Variants in SLC9A9 observed in about 807,000 individuals in gnomAD.
SLC9A9 encodes the protein solute carrier family 9 member A9.
A neutral mutation model predicts 77.8 loss-of-function variants in SLC9A9; 62 were observed. The ratio of observed to expected loss-of-function variants is 0.80; its 90% CI spans 0.65 to 0.98. The LOEUF (loss-of-function observed/expected upper bound fraction) is 0.98. SLC9A9 is among the 50% of genes least tolerant of loss of function. The pLI is 0.00. For synonymous variants in SLC9A9, 320 were observed against 283.5 expected (o/e 1.13, Z -1.29); for missense variants, 775 against 774.9 (o/e 1.00, Z 0.00).
chr3:143,384,318 C>G (rs1328366326), intron 12 of SLC9A9, among the ~76,000 whole-genome samples: 1 of 152,112 alleles, frequency 6.6e-6, no homozygotes, highest in Non-Finnish European at 1.5e-5. Context: ...TGTGGTGGAT[C>G]AGAGCCCTCC....
intron 12 of SLC9A9, 154 bp from the exon 13 acceptor site, chr3:143,382,268 A>G (rs1381806146): frequency 3.8e-6 from 3 of 781,000 alleles, no homozygotes; most frequent in Non-Finnish European, 6.6e-6. Flanking sequence ...AGAACCTCAG[A>G]TTTATACCAA....
intron 8 of SLC9A9, among the ~76,000 whole-genome samples, chr3:143,552,935 A>T (rs1576572885): frequency 6.6e-6 from 1 of 152,186 alleles, no homozygotes; most frequent in Admixed American, 6.5e-5. Context: ...TGAGTGACAA[A>T]CCTAAGACAT....
Position 143,448,915 on chromosome 3 carries a change from ATTATATATTAT to A in SLC9A9, c.1469+18111_1469+18121del, listed in dbSNP as rs2034899694. On this transcript the variant is annotated intron_variant, in intron 12 of 15. Transcript: ENST00000316549. Reference sequence around the variant, plus strand: ...TATTATAATATATAATATGATATATATTATATATTATAATATATAATATGATATATAATATA... The same window carrying A: ...TATTATAATATATAATATGATATATAAATATATAATATGATATATAATATA... Among the ~76,000 whole-genome samples the A allele has an allele frequency of 1.3e-4, 3 of 22,692 alleles. 1 individual carries two copies. Among genetic ancestry groups the A allele is most frequent in the African/African-American group, 6.0e-4 (1 of 1,662 alleles). 14.9% of individuals were successfully genotyped at this position (22,692 alleles called of 152,430 possible).
chr3:143,449,809 T>C lies in SLC9A9; in HGVS notation c.1469+17228A>G, dbSNP rs1225789396. The stretch of plus-strand genomic sequence containing the variant: ...TATAATTATATATATTTTATATATA[T>C]AATTATATATTTACATATATAATTA... On this transcript the variant is annotated intron_variant, in intron 12 of 15. Transcript: ENST00000316549. 2.9e-4 allele frequency among the ~76,000 whole-genome samples: 14 copies of C among 48,564 alleles called. 1 individual carries two copies. Among genetic ancestry groups the C allele is most frequent in the African/African-American group, 1.4e-3 (11 of 7,746 alleles). The allele number at this position is 48,564 out of a possible 152,430, so 31.9% of individuals were successfully genotyped here.
rs182561556 is a variant in SLC9A9 at position 143,689,165 on chromosome 3, C to T, written c.649+4027G>A. The stretch of plus-strand genomic sequence containing the variant: ...TTGTCATACATTGCTGGTATGAATG[C>T]AAACTGATACAAATTTTATGGAGGG... On this transcript the variant is annotated intron_variant, in intron 5 of 15. Transcript: ENST00000316549. Among the ~76,000 whole-genome samples the T allele has an allele frequency of 2.6e-5, 4 of 152,002 alleles. No homozygotes were observed. In the East Asian group the frequency reaches 7.8e-4, roughly 29 times the overall value.
intron 6 of SLC9A9, among the ~76,000 whole-genome samples, chr3:143,622,479 G>C (rs1375325196): frequency 6.6e-6 from 1 of 152,168 alleles, no homozygotes; most frequent in African/African-American, 2.4e-5. Context: ...TTAAGGAAAA[G>C]AATTTTCAAC....
At chr3:143,511,729 A>G (rs1307037988) in intron 9 of SLC9A9, among the ~76,000 whole-genome samples, 1 of 152,204 alleles carries the variant, frequency 6.6e-6, no homozygotes, top group Non-Finnish European at 1.5e-5. Flanking sequence ...CTCTCTGTGA[A>G]GTGGCACACC....
At chr3:143,590,229 G>A (rs1183540736) in intron 6 of SLC9A9, among the ~76,000 whole-genome samples, 1 of 152,184 alleles carries the variant, frequency 6.6e-6, no homozygotes, top group Non-Finnish European at 1.5e-5. Flanking sequence ...CTGGAAAATG[G>A]TGATAACAAT....
chr3:143,727,593 C>T (rs988130085), intron 4 of SLC9A9, among the ~76,000 whole-genome samples: 17 of 152,140 alleles, frequency 1.1e-4, no homozygotes, highest in Admixed American at 2.0e-4. Context: ...TATTCACTAC[C>T]GAGGGAAACG....
chr3:143,589,895 G>GTCCCA (rs1397848214), intron 6 of SLC9A9, among the ~76,000 whole-genome samples: 4 of 152,112 alleles, frequency 2.6e-5, no homozygotes, highest in Non-Finnish European at 5.9e-5. Flanking sequence ...CAACTTCATA[G>GTCCCA]ACTGAGGCAA....
At chr3:143,475,219 G>C (rs971928492) in intron 11 of SLC9A9, among the ~76,000 whole-genome samples, 4 of 150,740 alleles carry the variant, frequency 2.7e-5, no homozygotes, top group African/African-American at 9.8e-5. Flanking sequence ...TACCCGCCTC[G>C]GCCTCCCAAA....
intron 6 of SLC9A9, among the ~76,000 whole-genome samples, chr3:143,597,594 A>G (rs1300356936): frequency 6.6e-6 from 1 of 151,840 alleles, no homozygotes; most frequent in African/African-American, 2.4e-5. Context: ...ATAAAACCAT[A>G]TTCACCCGCC....
At chr3:143,588,985 G>C (rs1325839125) in intron 6 of SLC9A9, among the ~76,000 whole-genome samples, 1 of 152,152 alleles carries the variant, frequency 6.6e-6, no homozygotes, top group Non-Finnish European at 1.5e-5. Context: ...ATATAAAAAG[G>C]TATGGAAAAG....
intron 6 of SLC9A9, among the ~76,000 whole-genome samples, chr3:143,647,396 T>C (rs1012627577): frequency 1.3e-5 from 2 of 152,224 alleles, no homozygotes; most frequent in Admixed American, 6.5e-5. Context: ...TTGACTCTAT[T>C]GCCATCAAAC....
intron 2 of SLC9A9, among the ~76,000 whole-genome samples, chr3:143,816,927 G>A (rs1276983555): frequency 6.6e-6 from 1 of 151,882 alleles, no homozygotes; most frequent in East Asian, 1.9e-4. Flanking sequence ...TCATTTATTG[G>A]CCTTTGTGGT....
rs144772024 is a variant in SLC9A9, at chr3:143,513,327, C to T, written c.1090-17879G>A. Reference sequence around the variant, plus strand: ...ACAATGGATTTTCTTGAAAATCCATCTCAAGAAGCCACTTTCGTTGCTCAT... The same window carrying T: ...ACAATGGATTTTCTTGAAAATCCATTTCAAGAAGCCACTTTCGTTGCTCAT... On this transcript the variant is annotated intron_variant, in intron 9 of 15. Coordinates refer to ENST00000316549, the MANE Select transcript of SLC9A9 (RefSeq NM_173653.4). Among the ~76,000 whole-genome samples the T allele has an allele frequency of 7.6e-3, 1,157 of 152,318 alleles. 5 individuals carry two copies. The highest frequency in any genetic ancestry group is 0.027 in the Middle Eastern group (8 of 294).
At chr3:143,368,679 G>C (rs926392612) in intron 13 of SLC9A9, among the ~76,000 whole-genome samples, 16 of 152,146 alleles carry the variant, frequency 1.1e-4, no homozygotes, top group Admixed American at 6.5e-5. Flanking sequence ...TTTTAAGGTA[G>C]TACCTGTGAA....
At chr3:143,531,587 CT>C (rs2036511205) in intron 9 of SLC9A9, among the ~76,000 whole-genome samples, 1 of 152,174 alleles carries the variant, frequency 6.6e-6, no homozygotes, top group Non-Finnish European at 1.5e-5. Flanking sequence ...TTCTCATTTC[CT>C]CTTTCTTGTT....
At chr3:143,809,370 A>G (rs2008804928) in intron 2 of SLC9A9, among the ~76,000 whole-genome samples, 4 of 152,260 alleles carry the variant, frequency 2.6e-5, no homozygotes, top group Admixed American at 2.6e-4. Flanking sequence ...GGCATGCAGC[A>G]TGCAAGGATT....
Sources: allele counts gnomAD v4.1 joint callset (sites outside exome capture counted in the v4.1 genomes callset), GRCh38; gene constraint gnomAD v4.1.1; transcripts MANE v1.5; gene names NCBI Gene and HGNC (gene_info 2026-07-23, HGNC 2026-07-21).